TENM1: variants seen among roughly 807,000 people sequenced by gnomAD.
TENM1 encodes the protein teneurin transmembrane protein 1.
A neutral mutation model predicts 174.8 loss-of-function variants in TENM1; 35 were observed. That is an observed-to-expected ratio of 0.20 (90% CI 0.15 to 0.27). The LOEUF (loss-of-function observed/expected upper bound fraction) is 0.27. TENM1 is among the 10% of genes least tolerant of loss of function. The pLI, the probability that TENM1 is intolerant of heterozygous loss-of-function variation, is 1.00. For synonymous variants in TENM1, 781 were observed against 798.7 expected (o/e 0.98, Z 0.37); for missense variants, 1,633 against 2,130.1 (o/e 0.77, Z 4.59).
chrX:125,114,430 C>T, the TENM1 span, among the ~76,000 whole-genome samples: 5 of 98,890 alleles, frequency 5.1e-5, no homozygotes, highest in African/African-American at 2.3e-4. Flanking sequence ...AAAAAACCTT[C>T]GAAAAAATCA....
At chrX:124,730,820 GAAGTA>G (rs1445075537) in intron 4 of TENM1, among the ~76,000 whole-genome samples, 1 of 111,570 alleles carries the variant, frequency 9.0e-6, no homozygotes, top group Non-Finnish European at 1.9e-5. Context: ...TAGAGGAAGT[GAAGTA>G]TTTTATCTTA....
At chrX:124,932,747 C>G (rs1285171206) in intron 1 of TENM1, among the ~76,000 whole-genome samples, 1 of 111,853 alleles carries the variant, frequency 8.9e-6, no homozygotes, top group East Asian at 2.8e-4. Flanking sequence ...GTCTCAGTTA[C>G]TATATTTACC....
At chrX:124,454,350 C>T (rs143750924) in intron 22 of TENM1, among the ~76,000 whole-genome samples, 1 of 106,687 alleles carries the variant, frequency 9.4e-6, no homozygotes. Context: ...AAAACTAGGA[C>T]CATCCTTGAC....
At chrX:125,177,238 G>A in the TENM1 span, among the ~76,000 whole-genome samples, 2 of 112,164 alleles carry the variant, frequency 1.8e-5, no homozygotes, top group Non-Finnish European at 3.8e-5. Flanking sequence ...CACTTGAAGT[G>A]TACATTTTAA....
At chrX:124,607,072 G>A (rs953188003) in intron 11 of TENM1, among the ~76,000 whole-genome samples, 7 of 110,155 alleles carry the variant, frequency 6.4e-5, no homozygotes, top group Non-Finnish European at 1.1e-4. Context: ...ACAAAATGGT[G>A]GGCATTTGGT....
chrX:124,870,827 C>T (rs981777684), intron 3 of TENM1, among the ~76,000 whole-genome samples: 3 of 110,857 alleles, frequency 2.7e-5, no homozygotes, highest in South Asian at 3.9e-4. Context: ...TTAGCAGAGT[C>T]GACTCATATA....
At chrX:124,922,382 A>G (rs2058036105) in intron 1 of TENM1, among the ~76,000 whole-genome samples, 1 of 111,659 alleles carries the variant, frequency 9.0e-6, no homozygotes, top group Non-Finnish European at 1.9e-5. Flanking sequence ...GTGTAGAACA[A>G]AGTATGCCTC....
At chrX:124,869,486 T>C (rs1290628965) in intron 3 of TENM1, among the ~76,000 whole-genome samples, 1 of 111,384 alleles carries the variant, frequency 9.0e-6, no homozygotes, top group African/African-American at 3.3e-5. Context: ...ATACCCAAAA[T>C]AAAGGAAATC....
intron 3 of TENM1, among the ~76,000 whole-genome samples, chrX:124,828,019 TG>T (rs2056206505): frequency 9.0e-6 from 1 of 111,678 alleles, no homozygotes; most frequent in African/African-American, 3.3e-5. Flanking sequence ...AATTTTCAGA[TG>T]ACATAAGGAA....
At chrX:124,943,737 T>C (rs2058362939) in intron 1 of TENM1, among the ~76,000 whole-genome samples, 1 of 112,187 alleles carries the variant, frequency 8.9e-6, no homozygotes, top group South Asian at 3.7e-4. Flanking sequence ...CATAGCTTAC[T>C]AGGATTTTTG....
At chrX:124,634,294 A>C (rs1490380402) in intron 11 of TENM1, among the ~76,000 whole-genome samples, 1 of 111,688 alleles carries the variant, frequency 9.0e-6, no homozygotes, top group Non-Finnish European at 1.9e-5. Flanking sequence ...CATTATGATA[A>C]TATTAACATT....
At chrX:124,730,670 G>A (rs2053545043) in intron 4 of TENM1, among the ~76,000 whole-genome samples, 1 of 111,931 alleles carries the variant, frequency 8.9e-6, no homozygotes, top group South Asian at 3.8e-4. Context: ...GTATCGATTT[G>A]CAAAATGCAA....
the TENM1 span, among the ~76,000 whole-genome samples, chrX:125,196,459 T>C: frequency 9.0e-6 from 1 of 111,645 alleles, no homozygotes; most frequent in African/African-American, 3.2e-5. Flanking sequence ...GGCTACTTAA[T>C]AGAACAGATC....
chrX:124,721,357 T>C (rs1173106344), intron 4 of TENM1, among the ~76,000 whole-genome samples: 1 of 111,789 alleles, frequency 8.9e-6, no homozygotes, highest in East Asian at 2.8e-4. Context: ...TTTTCAATTA[T>C]AAAAGATTAA....
At chrX:124,621,279 C>A (rs1602817324) in intron 11 of TENM1, among the ~76,000 whole-genome samples, 1 of 111,612 alleles carries the variant, frequency 9.0e-6, no homozygotes, top group East Asian at 2.8e-4. Flanking sequence ...TGAGACCAGC[C>A]TGGCCAACAT....
At position 124,744,409 on chromosome X, in the gene TENM1, T is replaced by C. The variant is rs1997713; in HGVS notation, c.536-7212A>G. Among the ~76,000 whole-genome samples the C allele has an allele frequency of 1.6e-3, 179 of 112,166 alleles. 3 individuals carry two copies. Among genetic ancestry groups the C allele is most frequent in the Admixed American group, 0.015 (164 of 10,581 alleles). On this transcript the variant is annotated intron_variant, in intron 3 of 31. Transcript: ENST00000422452. The stretch of plus-strand genomic sequence containing the variant: ...TTATGGCACAATTTGGAATTTTAAA[T>C]GTCAATATTTAAACGTTAGTATACG...
intron 6 of TENM1, among the ~76,000 whole-genome samples, chrX:124,665,902 T>C (rs2051748210): frequency 8.9e-6 from 1 of 111,859 alleles, no homozygotes; most frequent in Admixed American, 9.5e-5. Flanking sequence ...GTAAAAACGT[T>C]TTCACTGCCT....
At chrX:124,794,565 GAATAAGT>G (rs1391530538) in intron 3 of TENM1, among the ~76,000 whole-genome samples, 2 of 110,705 alleles carry the variant, frequency 1.8e-5, no homozygotes, top group South Asian at 7.8e-4. Context: ...TCTCTCATCT[GAATAAGT>G]ACAATAGTCA....
the TENM1 span, among the ~76,000 whole-genome samples, chrX:125,164,479 C>T: frequency 8.9e-6 from 1 of 111,887 alleles, no homozygotes; most frequent in East Asian, 2.8e-4. Flanking sequence ...TCTACAAAGC[C>T]ATCAACAAAT....
Sources: gnomAD v4.1 joint callset for allele counts (sites outside exome capture counted in the v4.1 genomes callset) on GRCh38, gnomAD v4.1.1 for gene constraint, MANE v1.5 for transcripts, NCBI Gene and HGNC (gene_info 2026-07-23, HGNC 2026-07-21) for gene names.